The following PHF20L1 variants were observed in gnomAD, a reference collection of about 807,000 sequenced individuals.
PHF20L1 encodes PHD finger protein 20-like protein 1.
PHF20L1 carries 44 observed loss-of-function variants against 125.5 expected under a neutral mutation model. The ratio of observed to expected loss-of-function variants is 0.35; its 90% CI spans 0.28 to 0.45. PHF20L1 has a LOEUF of 0.45. PHF20L1 is among the 20% of genes least tolerant of loss of function. PHF20L1 has a pLI of 1.00. For missense variants in PHF20L1, 1,012 were observed against 1,217.2 expected (o/e 0.83, Z 2.51); for synonymous variants, 380 against 403.1 (o/e 0.94, Z 0.69).
Position 132,846,015 on chromosome 8 carries a change from T to C in PHF20L1, c.*92T>C. 1 of 943,624 alleles carries C rather than the reference T, an allele frequency of 1.1e-6. No individual in the cohort carries two copies. Among genetic ancestry groups the C allele is most frequent in the African/African-American group, 1.6e-5 (1 of 60,776 alleles). 58.5% of individuals were successfully genotyped at this position (943,624 alleles called of 1,614,324 possible). A position where few individuals can be genotyped will look rare whatever the true frequency, so the allele number is the denominator to read the frequency against. ...TGGCTAAGTGGATAATTTAAAAGCT[T>C]AGTAATGTCTGGTCATTCACTGATT... On this transcript the variant is annotated 3_prime_UTR_variant, in exon 21 of 21. Coordinates refer to ENST00000395386, the MANE Select transcript of PHF20L1 (RefSeq NM_016018.5).
intron 13 of PHF20L1, chr8:132,824,275 T>TA (rs1186432549): frequency 8.0e-6 from 3 of 373,956 alleles, no homozygotes; most frequent in Non-Finnish European, 1.4e-5. Context: ...AGTCTCTTGC[T>TA]TTCTCCAAAG....
intron 8 of PHF20L1, among the ~76,000 whole-genome samples, chr8:132,806,126 A>G (rs1396823907): frequency 6.6e-6 from 1 of 151,856 alleles, no homozygotes; most frequent in Non-Finnish European, 1.5e-5. Flanking sequence ...TGACACTGAC[A>G]TGATACAACT....
rs76185953 is a variant in PHF20L1 at position 132,785,514 on chromosome 8, A to G, written c.83+7603A>G. Among the ~76,000 whole-genome samples, 629 of 152,280 alleles carry G rather than the reference A, an allele frequency of 4.1e-3. 3 individuals are homozygous for G. Among genetic ancestry groups the G allele is most frequent in the African/African-American group, 0.014 (573 of 41,570 alleles). On this transcript the variant is annotated intron_variant, in intron 2 of 20. Coordinates refer to ENST00000395386, the MANE Select transcript of PHF20L1 (RefSeq NM_016018.5). The stretch of plus-strand genomic sequence containing the variant: ...TACAATTTTTAAAAGAAATTAACGG[A>G]ATATTGAAAAGACAGCTTAGTTCTG...
intron 8 of PHF20L1, chr8:132,810,282 G>C (rs1399200881): frequency 6.6e-6 from 1 of 152,104 alleles, no homozygotes; most frequent in Non-Finnish European, 1.5e-5. Flanking sequence ...GACCTCAAGT[G>C]ATCTGCCCGC....
intron 18 of PHF20L1, 106 bp downstream of exon 18, chr8:132,839,688 A>T: frequency 2.7e-6 from 2 of 733,018 alleles, no homozygotes; most frequent in Non-Finnish European, 4.6e-6. Context: ...GGAGGAGAGA[A>T]CAGGTATTTG....
intron 12 of PHF20L1, chr8:132,817,751 C>G: frequency 1.9e-6 from 1 of 517,676 alleles, no homozygotes; most frequent in Non-Finnish European, 3.4e-6. Context: ...CCTGGACATA[C>G]ATGCTGCTTA....
Position 132,775,748 on chromosome 8 carries a change from GCCTC to G in PHF20L1, c.-38+110_-38+113del, listed in dbSNP as rs1215838051. 14 of 261,864 alleles carry G rather than the reference GCCTC, an allele frequency of 5.3e-5. No homozygotes were observed. The Admixed American group carries it at 8.1e-4, about 15-fold the overall frequency. 16.2% of individuals were successfully genotyped at this position (261,864 alleles called of 1,614,324 possible). ...TCTCTTTCCGGCCCGCTCCCCTCCC[GCCTC>G]CCTCCCCGTAACTCGCCGGCCCTAT... On this transcript the variant is annotated intron_variant, in intron 1 of 20. Transcript: ENST00000395386.
At chr8:132,814,333 T>A (rs1180064174) in intron 9 of PHF20L1, among the ~76,000 whole-genome samples, 1 of 151,960 alleles carries the variant, frequency 6.6e-6, no homozygotes, top group African/African-American at 2.4e-5. Flanking sequence ...AGGGGTATAT[T>A]TCTATTTAAT....
At chr8:132,804,499 G>T in intron 7 of PHF20L1, 116 bp from the exon 8 acceptor site, 1 of 681,602 alleles carries the variant, frequency 1.5e-6, no homozygotes, top group Non-Finnish European at 2.5e-6. Context: ...TCTGTATCAA[G>T]TAGTAGATTA....
At chr8:132,798,061 A>G (rs1449095453) in intron 4 of PHF20L1, among the ~76,000 whole-genome samples, 1 of 152,068 alleles carries the variant, frequency 6.6e-6, no homozygotes, top group African/African-American at 2.4e-5. Context: ...GCTTCATAAT[A>G]GACAAACAAA....
intron 16 of PHF20L1, among the ~76,000 whole-genome samples, chr8:132,836,939 G>A (rs1837422284): frequency 2.0e-5 from 3 of 152,088 alleles, no homozygotes; most frequent in Non-Finnish European, 2.9e-5. Flanking sequence ...TCTAGGGTAT[G>A]TAGTTCAGTG....
chr8:132,841,161 T>A (rs1837892471), intron 18 of PHF20L1, among the ~76,000 whole-genome samples: 1 of 152,116 alleles, frequency 6.6e-6, no homozygotes, highest in Non-Finnish European at 1.5e-5. Flanking sequence ...CCTCTTTATG[T>A]TAATATTTTA....
At chr8:132,835,316 G>A (rs1052752604) in intron 15 of PHF20L1, among the ~76,000 whole-genome samples, 5 of 152,100 alleles carry the variant, frequency 3.3e-5, no homozygotes, top group African/African-American at 7.2e-5. Flanking sequence ...TAGGATGTGA[G>A]GTAGGAAGGT....
intron 17 of PHF20L1, chr8:132,838,130 TA>T (rs1474240921): frequency 5.0e-6 from 1 of 199,570 alleles, no homozygotes; most frequent in African/African-American, 2.3e-5. Flanking sequence ...AATTTTAAAA[TA>T]TTTTTTCACT....
At chr8:132,812,924 A>G (rs1834557855) in intron 9 of PHF20L1, 1 of 964,326 alleles carries the variant, frequency 1.0e-6, no homozygotes, top group Non-Finnish European at 1.2e-6. Flanking sequence ...TTGAACCCCA[A>G]TTCTCAGCTT....
intron 2 of PHF20L1, among the ~76,000 whole-genome samples, chr8:132,792,709 AC>A (rs1831877091): frequency 6.6e-6 from 1 of 152,214 alleles, no homozygotes; most frequent in Non-Finnish European, 1.5e-5. Context: ...ACAAAAGTAA[AC>A]ATGACTCATT....
intron 17 of PHF20L1, chr8:132,839,144 G>A: frequency 4.4e-6 from 2 of 454,828 alleles, no homozygotes; most frequent in Non-Finnish European, 7.9e-6. Flanking sequence ...GGTTCCCTTT[G>A]CAAGTGTCAT....
At chr8:132,809,133 A>G (rs1331944952) in intron 8 of PHF20L1, 1 of 152,004 alleles carries the variant, frequency 6.6e-6, no homozygotes, top group East Asian at 1.9e-4. Context: ...TTTGAGTACT[A>G]CTTTAAGAAG....
rs1474866083 is a variant in PHF20L1, at chr8:132,793,280, TATC to T, written c.84-1127_84-1125del. Among the ~76,000 whole-genome samples the T allele has an allele frequency of 5.3e-5, 8 of 152,290 alleles. No individual in the cohort carries two copies. The East Asian group carries it at 1.5e-3, about 29-fold the overall frequency. ...ATTTGAGGAAAATCCAAGAGCTCAA[TATC>T]ATTAGATCAAAGTGGGGTTGAATGT... is the stretch of plus-strand genomic sequence containing the variant. On this transcript the variant is annotated intron_variant, in intron 2 of 20. Coordinates refer to ENST00000395386, the MANE Select transcript of PHF20L1 (RefSeq NM_016018.5).
Sources: allele counts gnomAD v4.1 joint callset (sites outside exome capture counted in the v4.1 genomes callset), GRCh38; gene constraint gnomAD v4.1.1; transcripts MANE v1.5; gene names NCBI Gene and HGNC (gene_info 2026-07-23, HGNC 2026-07-21).